COL19A1: variants seen among roughly 807,000 people sequenced by gnomAD.
The protein encoded by COL19A1 is collagen type XIX alpha 1 chain, also known as collagen alpha-1(XIX) chain.
In COL19A1, 159 loss-of-function variants were observed where a neutral mutation model predicts 190.2. That is an observed-to-expected ratio of 0.84 (90% CI 0.73 to 0.95). The LOEUF is 0.95. Ranked by LOEUF, COL19A1 falls within the 40% of genes least tolerant of loss-of-function variation. The probability of loss-of-function intolerance (pLI) is 0.00; values close to 1 mark genes in which losing one functional copy is unlikely to be tolerated. For missense variants in COL19A1, 1,418 were observed against 1,431.9 expected, an observed-to-expected ratio of 0.99 and a Z score of 0.16; for synonymous variants, 509 against 458.9, an observed-to-expected ratio of 1.11 and a Z score of -1.39.
intron 16 of COL19A1, among the ~76,000 whole-genome samples, chr6:70,114,802 C>T (rs1269611186): frequency 6.6e-6 from 1 of 152,114 alleles, no homozygotes. Flanking sequence ...TATGCATATA[C>T]ATATTCATCA....
chr6:69,885,556 T>A (rs1366148978), intron 2 of COL19A1, among the ~76,000 whole-genome samples: 1 of 152,222 alleles, frequency 6.6e-6, no homozygotes, highest in Non-Finnish European at 1.5e-5. Context: ...GTCCTTATGT[T>A]GCACATTCCA....
intron 48 of COL19A1, among the ~76,000 whole-genome samples, chr6:70,198,660 G>GTA (rs1767358035): frequency 6.6e-6 from 1 of 152,176 alleles, no homozygotes; most frequent in African/African-American, 2.4e-5. Flanking sequence ...ATTTCATATA[G>GTA]TAGTAAAATA....
chr6:69,983,443 A>G (rs1479671178), intron 11 of COL19A1, among the ~76,000 whole-genome samples: 2 of 152,070 alleles, frequency 1.3e-5, no homozygotes, highest in African/African-American at 2.4e-5. Context: ...TTCTCTTTAC[A>G]AATCTTATTT....
chr6:70,037,694 A>G (rs1044847295), intron 14 of COL19A1, among the ~76,000 whole-genome samples: 15 of 152,204 alleles, frequency 9.9e-5, no homozygotes, highest in African/African-American at 3.1e-4. Flanking sequence ...CTGATATGCA[A>G]TCTACATATA....
At chr6:70,029,462 AC>A (rs1778906647) in intron 12 of COL19A1, among the ~76,000 whole-genome samples, 2 of 152,118 alleles carry the variant, frequency 1.3e-5, no homozygotes, top group Non-Finnish European at 1.5e-5. Flanking sequence ...TTGATTGAAA[AC>A]CTTCATAACA....
chr6:70,203,223 C>T (rs1252847827), intron 49 of COL19A1, among the ~76,000 whole-genome samples: 5 of 152,216 alleles, frequency 3.3e-5, no homozygotes, highest in African/African-American at 9.6e-5. Flanking sequence ...ATAGATACCA[C>T]ACCTAAAGCC....
intron 4 of COL19A1, among the ~76,000 whole-genome samples, chr6:69,912,938 G>A (rs1343154024): frequency 6.6e-6 from 1 of 151,906 alleles, no homozygotes; most frequent in African/African-American, 2.4e-5. Flanking sequence ...ATACAAAAAA[G>A]TTAGCCAGGT....
chr6:69,945,445 A>G (rs1447035327), intron 9 of COL19A1, among the ~76,000 whole-genome samples: 3 of 152,004 alleles, frequency 2.0e-5, no homozygotes, highest in Non-Finnish European at 4.4e-5. Flanking sequence ...ATCTGACATT[A>G]CTCATATGCC....
At chr6:70,176,869 T>C (rs763578772) in intron 42 of COL19A1, among the ~76,000 whole-genome samples, 1 of 152,228 alleles carries the variant, frequency 6.6e-6, no homozygotes, top group African/African-American at 2.4e-5. Context: ...GTTTATTGTG[T>C]TTCTCTATTC....
chr6:70,039,269 C>G (rs116147026), intron 14 of COL19A1, among the ~76,000 whole-genome samples: 2,882 of 152,268 alleles, frequency 0.019, 96 homozygotes, highest in African/African-American at 0.063. Context: ...ATGTCTAATA[C>G]TTTTCTTTAC....
At chr6:69,968,410 G>C (rs2150052439) in intron 11 of COL19A1, among the ~76,000 whole-genome samples, 1 of 152,118 alleles carries the variant, frequency 6.6e-6, no homozygotes, top group South Asian at 2.1e-4. Flanking sequence ...TTATTTGGTA[G>C]CATTTTGTTC....
chr6:70,079,794 G>A (rs999644076), intron 15 of COL19A1, among the ~76,000 whole-genome samples: 1 of 152,096 alleles, frequency 6.6e-6, no homozygotes, highest in African/African-American at 2.4e-5. Flanking sequence ...CAAAAGCTGA[G>A]GTGTAAAGAG....
At chr6:69,868,795 G>T (rs374955217) in intron 1 of COL19A1, among the ~76,000 whole-genome samples, 18 of 152,112 alleles carry the variant, frequency 1.2e-4, no homozygotes, top group African/African-American at 4.1e-4. Flanking sequence ...TCTACTTTCT[G>T]GTCCTCCAGT....
intron 4 of COL19A1, among the ~76,000 whole-genome samples, chr6:69,914,964 T>C (rs1771194840): frequency 6.6e-6 from 1 of 152,200 alleles, no homozygotes; most frequent in African/African-American, 2.4e-5. Flanking sequence ...CATTCCTTAT[T>C]ATTTATTTAA....
intron 49 of COL19A1, among the ~76,000 whole-genome samples, chr6:70,201,114 G>A (rs2150307934): frequency 6.6e-6 from 1 of 152,298 alleles, no homozygotes; most frequent in South Asian, 2.1e-4. Flanking sequence ...ATCTGAAAAT[G>A]TGTAATGCCT....
intron 16 of COL19A1, among the ~76,000 whole-genome samples, chr6:70,112,100 G>A (rs1784317611): frequency 6.6e-6 from 1 of 152,176 alleles, no homozygotes; most frequent in Admixed American, 6.6e-5. Flanking sequence ...ATTCATAGGT[G>A]TGGGCTGCCT....
At chr6:70,109,576 GTGTGTGTA>G (rs1175433622) in intron 16 of COL19A1, among the ~76,000 whole-genome samples, 1 of 146,948 alleles carries the variant, frequency 6.8e-6, no homozygotes, top group African/African-American at 2.6e-5. Context: ...GTGTGTGTGT[GTGTGTGTA>G]TCTGCAGCGG....
chr6:69,891,227 C>G (rs1769330097), intron 2 of COL19A1: 1 of 154,204 alleles, frequency 6.5e-6, no homozygotes, highest in Non-Finnish European at 1.4e-5. Flanking sequence ...AAAACTTTAC[C>G]CTTTTGCTAG....
At chr6:69,880,854 G>A (rs553493912) in intron 2 of COL19A1, among the ~76,000 whole-genome samples, 2 of 152,132 alleles carry the variant, frequency 1.3e-5, no homozygotes, top group African/African-American at 4.8e-5. Context: ...ATTCTGATAC[G>A]ATTTCTACTC....
Sources: allele counts gnomAD v4.1 joint callset (sites outside exome capture counted in the v4.1 genomes callset), GRCh38; gene constraint gnomAD v4.1.1; transcripts MANE v1.5; gene names NCBI Gene and HGNC (gene_info 2026-07-23, HGNC 2026-07-21).